Variants in PRKD1 observed in about 807,000 individuals in gnomAD.
The protein encoded by PRKD1 is protein kinase D1.
In PRKD1, 63 loss-of-function variants were observed where a neutral mutation model predicts 95.9. The ratio of observed to expected loss-of-function variants is 0.66; its 90% CI spans 0.54 to 0.81. The LOEUF (loss-of-function observed/expected upper bound fraction) is 0.81. PRKD1 is among the 30% of genes least tolerant of loss of function. The pLI, the probability that PRKD1 is intolerant of heterozygous loss-of-function variation, is 0.00. For synonymous variants in PRKD1, 425 were observed against 423.1 expected, an observed-to-expected ratio of 1.00 and a Z score of -0.05; for missense variants, 1,048 against 1,165.3, an observed-to-expected ratio of 0.90 and a Z score of 1.47.
intron 1 of PRKD1, among the ~76,000 whole-genome samples, chr14:29,787,800 G>A (rs535310011): frequency 6.6e-6 from 1 of 152,212 alleles, no homozygotes; most frequent in East Asian, 1.9e-4. Flanking sequence ...CAGCCAGTCT[G>A]TATCTTTTAA....
At chr14:29,726,617 A>G (rs1886158207) in intron 1 of PRKD1, among the ~76,000 whole-genome samples, 1 of 152,144 alleles carries the variant, frequency 6.6e-6, no homozygotes, top group African/African-American at 2.4e-5. Context: ...AAAACAATAC[A>G]TTATAAACCT....
chr14:29,793,630 A>C (rs1400060754), intron 1 of PRKD1, among the ~76,000 whole-genome samples: 6 of 152,114 alleles, frequency 3.9e-5, no homozygotes, highest in African/African-American at 1.4e-4. Context: ...TTTCTTATTC[A>C]AATAGGAAGA....
chr14:29,688,306 C>T (rs1292105266), intron 2 of PRKD1, among the ~76,000 whole-genome samples: 1 of 152,162 alleles, frequency 6.6e-6, no homozygotes, highest in Non-Finnish European at 1.5e-5. Flanking sequence ...AACTTAATCA[C>T]ATTTGCAACC....
chr14:29,876,096 A>G (rs1893277657), intron 1 of PRKD1, among the ~76,000 whole-genome samples: 1 of 152,252 alleles, frequency 6.6e-6, no homozygotes. Context: ...ATGGGCAGTG[A>G]GTATGCCTCC....
At chr14:29,691,905 A>G (rs1314776303) in intron 2 of PRKD1, among the ~76,000 whole-genome samples, 2 of 151,950 alleles carry the variant, frequency 1.3e-5, no homozygotes, top group Non-Finnish European at 2.9e-5. Flanking sequence ...TATGGTAGCT[A>G]AAAAAAAGGA....
chr14:29,863,228 C>T (rs1476029149), intron 1 of PRKD1, among the ~76,000 whole-genome samples: 1 of 151,976 alleles, frequency 6.6e-6, no homozygotes, highest in Non-Finnish European at 1.5e-5. Context: ...TAGGTAGGTC[C>T]CTTTAGTATC....
intron 1 of PRKD1, among the ~76,000 whole-genome samples, chr14:29,784,126 C>T (rs1889166490): frequency 6.6e-6 from 1 of 152,044 alleles, no homozygotes; most frequent in African/African-American, 2.4e-5. Flanking sequence ...GTCTTTAGTC[C>T]ACTTTGAATT....
At chr14:29,734,274 T>C (rs923170563) in intron 1 of PRKD1, among the ~76,000 whole-genome samples, 2 of 152,016 alleles carry the variant, frequency 1.3e-5, no homozygotes, top group Non-Finnish European at 2.9e-5. Flanking sequence ...ACTCCTGACC[T>C]CATGATCCAC....
intron 2 of PRKD1, among the ~76,000 whole-genome samples, chr14:29,668,205 G>A (rs746569382): frequency 6.6e-6 from 1 of 152,066 alleles, no homozygotes; most frequent in Non-Finnish European, 1.5e-5. Flanking sequence ...ATGCCACCTC[G>A]CCTAATCACA....
chr14:29,624,378 T>A (rs1419472323), intron 12 of PRKD1, 120 bp from the exon 13 acceptor site: 14 of 566,700 alleles, frequency 2.5e-5, no homozygotes, highest in Non-Finnish European at 3.2e-5. Context: ...TAAATTAACA[T>A]TTCTAAAGAG....
chr14:29,899,484 TAA>T (rs1381518337), intron 1 of PRKD1, among the ~76,000 whole-genome samples: 1 of 151,962 alleles, frequency 6.6e-6, no homozygotes, highest in Non-Finnish European at 1.5e-5. Flanking sequence ...CCATCTCTAC[TAA>T]AAATACAAAA....
At chr14:29,614,514 AATGT>A in intron 13 of PRKD1, among the ~76,000 whole-genome samples, 1 of 152,292 alleles carries the variant, frequency 6.6e-6, no homozygotes. Context: ...TTCATTAAAT[AATGT>A]ATTTCCAGTA....
At chr14:29,734,168 G>A (rs560692121) in intron 1 of PRKD1, among the ~76,000 whole-genome samples, 5 of 149,292 alleles carry the variant, frequency 3.3e-5, no homozygotes, top group Non-Finnish European at 5.9e-5. Context: ...TCAGCCTCCC[G>A]AGTAGCTGGG....
chr14:29,581,455 A>T (rs1488103912), intron 16 of PRKD1, among the ~76,000 whole-genome samples: 1 of 152,124 alleles, frequency 6.6e-6, no homozygotes, highest in Non-Finnish European at 1.5e-5. Context: ...CTCCATTTTA[A>T]TAAAAGGAAA....
At chr14:29,820,145 A>G (rs1890855545) in intron 1 of PRKD1, among the ~76,000 whole-genome samples, 1 of 152,192 alleles carries the variant, frequency 6.6e-6, no homozygotes, top group Non-Finnish European at 1.5e-5. Flanking sequence ...GACACCCCAT[A>G]TTACCCCTGG....
At chr14:29,724,212 T>C (rs1417959532) in intron 2 of PRKD1, among the ~76,000 whole-genome samples, 2 of 152,144 alleles carry the variant, frequency 1.3e-5, no homozygotes, top group Admixed American at 1.3e-4. Flanking sequence ...GAAAGAATAA[T>C]ACATTATATT....
At chr14:29,848,828 T>A (rs1401331819) in intron 1 of PRKD1, among the ~76,000 whole-genome samples, 21 of 145,834 alleles carry the variant, frequency 1.4e-4, no homozygotes, top group Admixed American at 1.4e-3. Flanking sequence ...AAGGAAGATG[T>A]AGATAAAGTC....
At chr14:29,842,100 A>G (rs1222455924) in intron 1 of PRKD1, among the ~76,000 whole-genome samples, 1 of 152,218 alleles carries the variant, frequency 6.6e-6, no homozygotes, top group Non-Finnish European at 1.5e-5. Context: ...ATTTGGGGAC[A>G]ATAACATGCA....
At chr14:29,633,855 A>G (rs1880188835) in intron 8 of PRKD1, among the ~76,000 whole-genome samples, 1 of 152,206 alleles carries the variant, frequency 6.6e-6, no homozygotes, top group South Asian at 2.1e-4. Context: ...AGAGATGAGA[A>G]AAGCAATACA....
Sources: allele counts gnomAD v4.1 joint callset (sites outside exome capture counted in the v4.1 genomes callset), GRCh38; gene constraint gnomAD v4.1.1; transcripts MANE v1.5; gene names NCBI Gene and HGNC (gene_info 2026-07-23, HGNC 2026-07-21).